Variants in MARCHF9 observed in about 807,000 individuals in gnomAD.
MARCHF9 encodes the protein E3 ubiquitin-protein ligase MARCHF9.
In MARCHF9, 17 loss-of-function variants were observed where a neutral mutation model predicts 35.2. The observed-to-expected ratio is 0.48, with a 90% CI of 0.33 to 0.72. The LOEUF (loss-of-function observed/expected upper bound fraction) is 0.72, where lower values mean the gene tolerates loss of function less well. Ranked by LOEUF, MARCHF9 falls within the 30% of genes least tolerant of loss-of-function variation. The pLI, the probability that MARCHF9 is intolerant of heterozygous loss-of-function variation, is 0.02. For missense variants in MARCHF9, 386 were observed against 478.2 expected (o/e 0.81, Z 1.80); for synonymous variants, 183 against 207.4 (o/e 0.88, Z 1.01).
Position 57,755,619 on chromosome 12 carries a change from C to CG in MARCHF9, c.98dup (p.Arg34ProfsTer67), listed in dbSNP as rs1290972242. 35 of 1,334,282 alleles carry CG rather than the reference C, an allele frequency of 2.6e-5. No individual in the cohort carries two copies. The highest frequency in any genetic ancestry group is 2.1e-4 in the South Asian group (11 of 52,354). The allele number at this position is 1,334,282 out of a possible 1,614,324, so 82.7% of individuals were successfully genotyped here. A position where few individuals can be genotyped will look rare whatever the true frequency, so the allele number is the denominator to read the frequency against. On this transcript the variant is annotated frameshift_variant, in exon 1 of 4. Coordinates refer to ENST00000266643, the MANE Select transcript of MARCHF9 (RefSeq NM_138396.6). LOFTEE classifies it high-confidence loss of function. ...GCGGCCCCGGGCCGAGCCGCAACCC[C>CG]GGGGGGGCCGGGGAGGCGGCTGCGG...
intron 1 of MARCHF9, among the ~76,000 whole-genome samples, chr12:57,756,524 C>T (rs908037917): frequency 2.0e-5 from 3 of 152,118 alleles, no homozygotes; most frequent in Middle Eastern, 3.2e-3. Flanking sequence ...TGCGCCAGAT[C>T]TGTGAAGTAA....
intron 2 of MARCHF9, 151 bp downstream of exon 2, chr12:57,757,235 T>G (rs544646091): frequency 2.6e-6 from 2 of 782,950 alleles, no homozygotes; most frequent in African/African-American, 3.7e-5. Context: ...TGTATATCCT[T>G]CCTAAGCCCT....
rs1056126547 is a variant in MARCHF9, at chr12:57,755,476, C to T, written c.-53C>T. On this transcript the variant is annotated 5_prime_UTR_variant, in exon 1 of 4. Transcript: ENST00000266643. ...CCGGCCTTGTCCTCTCCCCTCCCCC[C>T]GCCGCTAGCGAGCCCCCCTTGCACG... 162 of 653,594 alleles carry T rather than the reference C, an allele frequency of 2.5e-4. No homozygotes were observed. In the African/African-American group the frequency reaches 2.9e-3, roughly 12 times the overall value. 40.5% of individuals were successfully genotyped at this position (653,594 alleles called of 1,614,324 possible).
chr12:57,759,510 TG>T lies in MARCHF9; in HGVS notation c.*616del, dbSNP rs1217465314. Reference sequence around the variant, plus strand: ...AGGTTGCAAATCCCAAATGCAGCAGTGGGTTCTGAGTTGTAGGTGTGACTCC... The same window carrying T: ...AGGTTGCAAATCCCAAATGCAGCAGTGGTTCTGAGTTGTAGGTGTGACTCC... On this transcript the variant is annotated 3_prime_UTR_variant, in exon 4 of 4. Coordinates refer to ENST00000266643, the MANE Select transcript of MARCHF9 (RefSeq NM_138396.6). 1 of 152,240 alleles carries T rather than the reference TG, an allele frequency of 6.6e-6. No homozygotes were observed. Among genetic ancestry groups the T allele is most frequent in the African/African-American group, 2.4e-5 (1 of 41,424 alleles). 9.4% of individuals were successfully genotyped at this position (152,240 alleles called of 1,614,324 possible).
chr12:57,755,420 CCGGCT>C lies in MARCHF9; in HGVS notation c.-102_-98del, dbSNP rs1042677463. On this transcript the variant is annotated 5_prime_UTR_variant, in exon 1 of 4. Transcript: ENST00000266643. The stretch of plus-strand genomic sequence containing the variant: ...TGTCGCAGGCCCCGAAGACCCCGGC[CCGGCT>C]CGGCTCTCTAGCGCGCGCCCCCTTC... 8.7e-6 allele frequency: 5 copies of C among 577,084 alleles called. No individual in the cohort carries two copies. Among genetic ancestry groups the C allele is most frequent in the Non-Finnish European group, 1.3e-5 (5 of 383,202 alleles). The allele number at this position is 577,084 out of a possible 1,614,324, so 35.7% of individuals were successfully genotyped here.
In MARCHF9 at chr12:57,755,830, T is replaced by C; in HGVS notation, c.302T>C (p.Leu101Pro). The C allele has an allele frequency of 1.3e-6, 2 of 1,512,288 alleles. No individual in the cohort carries two copies. The highest frequency in any genetic ancestry group is 1.8e-6 in the Non-Finnish European group (2 of 1,137,936). 93.7% of individuals were successfully genotyped at this position (1,512,288 alleles called of 1,614,324 possible). The change falls in exon 1 of 4, where the codon CTG (leucine) becomes CCG (proline). Residue 101 changes from leucine (L) to proline (P), a missense_variant. Transcript: ENST00000266643. ...ALDALSLSSS[L>P]DSGLRTPQCR... ...GACGCCCTGTCGCTCAGCAGTAGCCTGGACAGCGGACTCCGAACCCCTCAG... is the reference window on the plus strand; with the variant it reads ...GACGCCCTGTCGCTCAGCAGTAGCCCGGACAGCGGACTCCGAACCCCTCAG...
At position 57,755,354 on chromosome 12, in the gene MARCHF9, C is replaced by T. The variant is rs974572468; in HGVS notation, c.-175C>T. ...CCCCGGGCCGCCAGCCCGCTCGGCC[C>T]CGCAAGCACCGGAGCCCCGGCGGTG... is the stretch of plus-strand genomic sequence containing the variant. On this transcript the variant is annotated 5_prime_UTR_variant, in exon 1 of 4. Transcript: ENST00000266643. The T allele has an allele frequency of 7.8e-4, 286 of 367,662 alleles. No homozygotes were observed. The highest frequency in any genetic ancestry group is 1.2e-3 in the Non-Finnish European group (244 of 210,122). The allele number at this position is 367,662 out of a possible 1,614,324, so 22.8% of individuals were successfully genotyped here.
In MARCHF9 at chr12:57,755,479, CGCTAGCGAGCCCCCCTTGCACGCTG is replaced by C; in HGVS notation, c.-49_-25del. 1 of 713,798 alleles carries C rather than the reference CGCTAGCGAGCCCCCCTTGCACGCTG, an allele frequency of 1.4e-6. No homozygotes were observed. Among genetic ancestry groups the C allele is most frequent in the Non-Finnish European group, 1.9e-6 (1 of 528,664 alleles). 44.2% of individuals were successfully genotyped at this position (713,798 alleles called of 1,614,324 possible). On this transcript the variant is annotated 5_prime_UTR_variant, in exon 1 of 4. Transcript: ENST00000266643. Reference sequence around the variant, plus strand: ...GCCTTGTCCTCTCCCCTCCCCCCGCCGCTAGCGAGCCCCCCTTGCACGCTGCCCCCCGCCCCCGGTGTCCGGACGA... The same window carrying C: ...GCCTTGTCCTCTCCCCTCCCCCCGCCCCCCCCGCCCCCGGTGTCCGGACGA...
Position 57,758,537 on chromosome 12 carries a change from CT to C in MARCHF9, c.707-25del, listed in dbSNP as rs1955300608. The C allele has an allele frequency of 1.9e-6, 3 of 1,564,558 alleles. No homozygotes were observed. The African/African-American group carries it at 4.1e-5, about 21-fold the overall frequency. On this transcript the variant is annotated intron_variant, in intron 3 of 3. Transcript: ENST00000266643. The surrounding 1 kb of genome is among the most constrained non-coding windows in gnomAD (Gnocchi z 5.4). ...GCCTAGATCTAGGCCACAGTTAACC[CT>C]GGATTTCTTATTCCTATTGCTCAGG...
Position 57,755,657 on chromosome 12 carries a change from C to A in MARCHF9, c.129C>A (p.Phe43Leu). 7.6e-7 allele frequency: 1 copy of A among 1,310,632 alleles called. No homozygotes were observed. 81.2% of individuals were successfully genotyped at this position (1,310,632 alleles called of 1,614,324 possible). Residue 43 changes from phenylalanine (F) to leucine (L), a missense_variant, in exon 1 of 4, where the codon TTC (phenylalanine) becomes TTA (leucine). Physicochemically the swap from Phe to Leu is conservative, Grantham distance 22 (BLOSUM62 0). Transcript: ENST00000266643. ...GAGGCGGCTGCGGCTGGGCGCCCTT[C>A]GCTGGCTGCTCCACCCGGGACGGCG... is the stretch of plus-strand genomic sequence containing the variant. ...GRGGGCGWAP[F>L]AGCSTRDGDG...
chr12:57,758,266 C>T lies in MARCHF9; in HGVS notation c.672C>T (p.Tyr224=), dbSNP rs781454877. The change falls in exon 3 of 4, where the codon TAC becomes TAT. Residue 224 remains tyrosine (Y), a synonymous_variant. Transcript: ENST00000266643. The surrounding 1 kb of genome is among the most constrained non-coding windows in gnomAD (Gnocchi z 5.4). ...AGGATCTGCTCTTTCAGATCTGCTACGGCATGTATGGCTTCATGGATGTCG... is the reference window on the plus strand; with the variant it reads ...AGGATCTGCTCTTTCAGATCTGCTATGGCATGTATGGCTTCATGGATGTCG... ...QRQDLLFQIC[Y]GMYGFMDVVC... is the part of the protein sequence containing the mutation. 7.9e-5 allele frequency: 127 copies of T among 1,612,754 alleles called. No individual in the cohort carries two copies. The highest frequency in any genetic ancestry group is 3.6e-4 in the South Asian group (33 of 91,078).
Position 57,755,511 on chromosome 12 carries a change from G to A in MARCHF9, c.-18G>A. On this transcript the variant is annotated 5_prime_UTR_variant, in exon 1 of 4. Coordinates refer to ENST00000266643, the MANE Select transcript of MARCHF9 (RefSeq NM_138396.6). ...GAGCCCCCCTTGCACGCTGCCCCCC[G>A]CCCCCGGTGTCCGGACGATGCTCAA... 1.8e-5 allele frequency: 5 copies of A among 275,404 alleles called. No homozygotes were observed. Among genetic ancestry groups the A allele is most frequent in the South Asian group, 8.5e-5 (1 of 11,746 alleles). 17.1% of individuals were successfully genotyped at this position (275,404 alleles called of 1,614,324 possible). A position where few individuals can be genotyped will look rare whatever the true frequency, so the allele number is the denominator to read the frequency against.
In MARCHF9 at chr12:57,755,525, G is replaced by A; in HGVS notation, c.-4G>A. The A allele has an allele frequency of 7.6e-7, 1 of 1,319,940 alleles. No individual in the cohort carries two copies. Among genetic ancestry groups the A allele is most frequent in the East Asian group, 3.2e-5 (1 of 30,924 alleles). 81.8% of individuals were successfully genotyped at this position (1,319,940 alleles called of 1,614,324 possible). ...CGCTGCCCCCCGCCCCCGGTGTCCG[G>A]ACGATGCTCAAGTCTCGGCTCCGCA... On this transcript the variant is annotated 5_prime_UTR_variant, in exon 1 of 4. Coordinates refer to ENST00000266643, the MANE Select transcript of MARCHF9 (RefSeq NM_138396.6).
In MARCHF9 at chr12:57,759,117, C is replaced by G. The variant is rs998231815; in HGVS notation, c.*220C>G. 13 of 516,616 alleles carry G rather than the reference C, an allele frequency of 2.5e-5. No individual in the cohort carries two copies. Among genetic ancestry groups the G allele is most frequent in the African/African-American group, 3.8e-5 (2 of 52,604 alleles). 32.0% of individuals were successfully genotyped at this position (516,616 alleles called of 1,614,324 possible). On this transcript the variant is annotated 3_prime_UTR_variant, in exon 4 of 4. Transcript: ENST00000266643. The stretch of plus-strand genomic sequence containing the variant: ...CAGTACCCGCTGGCAGCTCCTCCCA[C>G]TCATCCAGAGACGGCCGGTGGGCAG...
Position 57,758,494 on chromosome 12 carries a change from C to G in MARCHF9, c.707-69C>G. The G allele has an allele frequency of 6.8e-7, 1 of 1,473,190 alleles. No homozygotes were observed. Among genetic ancestry groups the G allele is most frequent in the Non-Finnish European group, 9.1e-7 (1 of 1,096,194 alleles). The allele number at this position is 1,473,190 out of a possible 1,614,324, so 91.3% of individuals were successfully genotyped here. ...TGTATCTTCTCACTCTGAAGAAATG[C>G]TTGCTTAAGTACCTCTGGCCTAGAT... is the stretch of plus-strand genomic sequence containing the variant. On this transcript the variant is annotated intron_variant, in intron 3 of 3. Coordinates refer to ENST00000266643, the MANE Select transcript of MARCHF9 (RefSeq NM_138396.6). This position sits in a 1 kb window ranked among gnomAD's most constrained non-coding sequence, Gnocchi z 5.4.
At position 57,758,879 on chromosome 12, in the gene MARCHF9, G is replaced by C; in HGVS notation, c.1023G>C (p.Met341Ile). The change falls in exon 4 of 4, where the codon ATG becomes ATC. Residue 341 changes from methionine (M) to isoleucine (I), a missense_variant. By Grantham distance (10) the Met-to-Ile change is conservative. This residue lies in a region of MARCHF9 where 111 missense variants were observed against 112.4 expected (regional missense o/e 0.99). Transcript: ENST00000266643. This position sits in a 1 kb window ranked among gnomAD's most constrained non-coding sequence, Gnocchi z 5.4. ...SSSHSGREVVMRVTTV is the reference protein window; with the variant it reads ...SSSHSGREVVIRVTTV The stretch of plus-strand genomic sequence containing the variant: ...CCCATTCTGGCCGAGAGGTTGTCAT[G>C]AGGGTCACTACAGTCTGAACTGGAC... 6.2e-7 allele frequency: 1 copy of C among 1,601,558 alleles called. No individual in the cohort carries two copies. The highest frequency in any genetic ancestry group is 8.5e-7 in the Non-Finnish European group (1 of 1,172,264).
At position 57,758,036 on chromosome 12, in the gene MARCHF9, C is replaced by A; in HGVS notation, c.514-72C>A. 6.5e-7 allele frequency: 1 copy of A among 1,546,608 alleles called. No homozygotes were observed. Among genetic ancestry groups the A allele is most frequent in the South Asian group, 1.1e-5 (1 of 89,724 alleles). On this transcript the variant is annotated intron_variant, in intron 2 of 3. Transcript: ENST00000266643. The surrounding 1 kb of genome is among the most constrained non-coding windows in gnomAD (Gnocchi z 5.4). ...TAGGGAAGGTTCCTGGAGCACCCTG[C>A]TCTTCAGGGCCACCCATCACCTGGC...
rs760801093 is a variant in MARCHF9, at chr12:57,758,233, GCAA to G, written c.641_643del (p.Gln214del). On this transcript the variant is annotated inframe_deletion, in exon 3 of 4. Coordinates refer to ENST00000266643, the MANE Select transcript of MARCHF9 (RefSeq NM_138396.6). The surrounding 1 kb of genome is among the most constrained non-coding windows in gnomAD (Gnocchi z 5.4). The stretch of plus-strand genomic sequence containing the variant: ...CCTCACTCAGCCCTTCAGCCAAGTG[GCAA>G]CGACAGGATCTGCTCTTTCAGATCT... 1 of 1,614,190 alleles carries G rather than the reference GCAA, an allele frequency of 6.2e-7. No homozygotes were observed. The highest frequency in any genetic ancestry group is 8.5e-7 in the Non-Finnish European group (1 of 1,180,030).
In MARCHF9 at chr12:57,760,294, C is replaced by T. The variant is rs1955311188; in HGVS notation, c.*1397C>T. Reference sequence around the variant, plus strand: ...AAGGACTGTTTACAATGTGGGTCAGCCTGAAGCCTGGGCACTTTCTTCTGT... The same window carrying T: ...AAGGACTGTTTACAATGTGGGTCAGTCTGAAGCCTGGGCACTTTCTTCTGT... On this transcript the variant is annotated 3_prime_UTR_variant, in exon 4 of 4. Coordinates refer to ENST00000266643, the MANE Select transcript of MARCHF9 (RefSeq NM_138396.6). 1 of 152,226 alleles carries T rather than the reference C, an allele frequency of 6.6e-6. No homozygotes were observed. 9.4% of individuals were successfully genotyped at this position (152,226 alleles called of 1,614,324 possible). A position where few individuals can be genotyped will look rare whatever the true frequency, so the allele number is the denominator to read the frequency against.
Sources: allele counts gnomAD v4.1 joint callset (sites outside exome capture counted in the v4.1 genomes callset), GRCh38; gene constraint gnomAD v4.1.1; regional missense constraint gnomAD v4.1.1; non-coding constraint Gnocchi (gnomAD v3.1); transcripts MANE v1.5; gene names NCBI Gene and HGNC (gene_info 2026-07-23, HGNC 2026-07-21).